LRRC4B: variants seen among roughly 807,000 people sequenced by gnomAD.
LRRC4B encodes leucine rich repeat containing 4B, also known as leucine-rich repeat-containing protein 4B.
In LRRC4B, 1 loss-of-function variant was observed where a neutral mutation model predicts 7.3. The observed-to-expected ratio is 0.14, with a 90% confidence interval of 0.05 to 0.65. The LOEUF (loss-of-function observed/expected upper bound fraction) is 0.65. LRRC4B is among the 30% of genes least tolerant of loss of function. The pLI, the probability that LRRC4B is intolerant of heterozygous loss-of-function variation, is 0.84. For synonymous variants in LRRC4B, 500 were observed against 499.2 expected (o/e 1.00, Z -0.02); for missense variants, 730 against 1,041.6 (o/e 0.70, Z 4.12).
chr19:50,520,946 T>G (rs1980552983), intron 2 of LRRC4B, among the ~76,000 whole-genome samples: 1 of 152,166 alleles, frequency 6.6e-6, no homozygotes, highest in Non-Finnish European at 1.5e-5. Flanking sequence ...ATGTGGGTGT[T>G]CACAGCATTT....
intron 2 of LRRC4B, among the ~76,000 whole-genome samples, chr19:50,547,461 G>A (rs1981863561): frequency 6.6e-6 from 1 of 151,888 alleles, no homozygotes; most frequent in Non-Finnish European, 1.5e-5. Flanking sequence ...GTTACATCTG[G>A]AAGATTAGAT....
rs1257112046 is a variant in LRRC4B, at chr19:50,517,088, A to G, written c.*483T>C. 6.6e-6 allele frequency: 1 copy of G among 151,682 alleles called. No homozygotes were observed. Among genetic ancestry groups the G allele is most frequent in the African/African-American group, 2.4e-5 (1 of 41,270 alleles). The allele number at this position is 151,682 out of a possible 1,614,324, so 9.4% of individuals were successfully genotyped here. A position where few individuals can be genotyped will look rare whatever the true frequency, so the allele number is the denominator to read the frequency against. On this transcript the variant is annotated 3_prime_UTR_variant, in exon 3 of 3. Coordinates refer to ENST00000652263, the MANE Select transcript of LRRC4B (RefSeq NM_001080457.2). The surrounding 1 kb of genome is among the most constrained non-coding windows in gnomAD (Gnocchi z 6.6). ...GCCGGGAGCAGAGCCGGGCGCTGGG[A>G]CGGGAGCTCTGGCGACGTGTCCATC...
chr19:50,538,556 CTTGT>C (rs1981394384), intron 2 of LRRC4B, among the ~76,000 whole-genome samples: 1 of 96,362 alleles, frequency 1.0e-5, no homozygotes, highest in Non-Finnish European at 2.2e-5. Context: ...TGGGTTTTGT[CTTGT>C]TTTTTTTTTT....
chr19:50,552,863 A>T (rs1982149140), intron 1 of LRRC4B, among the ~76,000 whole-genome samples: 1 of 152,158 alleles, frequency 6.6e-6, no homozygotes, highest in Non-Finnish European at 1.5e-5. Context: ...AGCCCAGGAC[A>T]CCCATGGGCC....
chr19:50,534,949 A>G (rs573113272), intron 2 of LRRC4B, among the ~76,000 whole-genome samples: 177 of 151,482 alleles, frequency 1.2e-3, no homozygotes, highest in Non-Finnish European at 1.9e-3. Flanking sequence ...GCTCACTGCA[A>G]CCTCTGCCTC....
At chr19:50,545,285 T>G (rs539531585) in intron 2 of LRRC4B, among the ~76,000 whole-genome samples, 1 of 148,536 alleles carries the variant, frequency 6.7e-6, no homozygotes, top group Non-Finnish European at 1.5e-5. Context: ...CACATGCCTG[T>G]AATCCCAGCT....
At chr19:50,524,233 G>A (rs1274618) in intron 2 of LRRC4B, among the ~76,000 whole-genome samples, 21,940 of 150,818 alleles carry the variant, frequency 0.15, 2,019 homozygotes, top group East Asian at 0.42. Context: ...ATGTGAACAC[G>A]TGTGTAATGT....
chr19:50,568,151 TG>T lies in LRRC4B; in HGVS notation c.-244del, dbSNP rs1223469243. On this transcript the variant is annotated 5_prime_UTR_variant, in exon 1 of 3. Coordinates refer to ENST00000652263, the MANE Select transcript of LRRC4B (RefSeq NM_001080457.2). Reference sequence around the variant, plus strand: ...GCTTCCGCAGCGGCGGCGGTGGGGCTGGGGGGGCCGCTCTGCCTCCTCGCCT... The same window carrying T: ...GCTTCCGCAGCGGCGGCGGTGGGGCTGGGGGGCCGCTCTGCCTCCTCGCCT... The T allele has an allele frequency of 2.6e-5, 4 of 151,524 alleles. No homozygotes were observed. Among genetic ancestry groups the T allele is most frequent in the South Asian group, 2.0e-4 (1 of 4,882 alleles). The allele number at this position is 151,524 out of a possible 1,614,324, so 9.4% of individuals were successfully genotyped here.
chr19:50,543,335 GGTGTGTGTGT>G (rs143123202), intron 2 of LRRC4B, among the ~76,000 whole-genome samples: 5 of 145,194 alleles, frequency 3.4e-5, no homozygotes, highest in African/African-American at 5.2e-5. Context: ...GCCAGGCCCT[GGTGTGTGTGT>G]GTGTGTGTGT....
At position 50,537,737 on chromosome 19, in the gene LRRC4B, A is replaced by G. The variant is rs1360553286; in HGVS notation, c.297+10805T>C. ...GAGAAAAAGTTAAGAAGAAACTGAC[A>G]AAGTATGGGAAATCCTATTTGAAAA... is the stretch of plus-strand genomic sequence containing the variant. On this transcript the variant is annotated intron_variant, in intron 2 of 2. Coordinates refer to ENST00000652263, the MANE Select transcript of LRRC4B (RefSeq NM_001080457.2). The surrounding 1 kb of genome is among the most constrained non-coding windows in gnomAD (Gnocchi z 5.5). 6.6e-6 allele frequency among the ~76,000 whole-genome samples: 1 copy of G among 152,200 alleles called. No homozygotes were observed. The highest frequency in any genetic ancestry group is 1.5e-5 in the Non-Finnish European group (1 of 68,026).
intron 2 of LRRC4B, among the ~76,000 whole-genome samples, chr19:50,530,254 C>T (rs1365521886): frequency 6.6e-6 from 1 of 152,212 alleles, no homozygotes; most frequent in Admixed American, 6.5e-5. Context: ...CTCTAGACGC[C>T]TCCGGGGCTC....
intron 1 of LRRC4B, among the ~76,000 whole-genome samples, chr19:50,552,216 A>AC (rs1213670495): frequency 1.1e-5 from 1 of 91,582 alleles, no homozygotes; most frequent in Admixed American, 1.4e-4. Context: ...CCAGCTTCAC[A>AC]CCCCCCACTG....
At chr19:50,545,018 G>A (rs1049429147) in intron 2 of LRRC4B, among the ~76,000 whole-genome samples, 2 of 151,356 alleles carry the variant, frequency 1.3e-5, no homozygotes, top group Non-Finnish European at 2.9e-5. Context: ...AGGCTGAGGC[G>A]GGAGAATGGT....
intron 2 of LRRC4B, among the ~76,000 whole-genome samples, chr19:50,539,844 G>C (rs1368144213): frequency 1.4e-5 from 2 of 147,940 alleles, no homozygotes; most frequent in African/African-American, 5.0e-5. Flanking sequence ...CCGAGATCGC[G>C]CCACTGCACT....
intron 2 of LRRC4B, among the ~76,000 whole-genome samples, chr19:50,535,225 T>C (rs1386651598): frequency 6.6e-6 from 1 of 152,006 alleles, no homozygotes; most frequent in Non-Finnish European, 1.5e-5. Flanking sequence ...CAGGCTGGAG[T>C]GCAGTGGCAT....
In LRRC4B at chr19:50,563,302, C is replaced by T. The variant is rs73932515; in HGVS notation, c.-36+4642G>A. On this transcript the variant is annotated intron_variant, in intron 1 of 2. Coordinates refer to ENST00000652263, the MANE Select transcript of LRRC4B (RefSeq NM_001080457.2). This position sits in a 1 kb window ranked among gnomAD's most constrained non-coding sequence, Gnocchi z 4.9. ...TACTCTCCTGCCACCCCCTGTCTGG[C>T]GGAGCCAGCCCAGCCTCAGGAACTG... Among the ~76,000 whole-genome samples the T allele has an allele frequency of 1.5e-3, 225 of 152,200 alleles. 1 individual carries two copies. The highest frequency in any genetic ancestry group is 5.1e-3 in the African/African-American group (211 of 41,538).
At position 50,565,708 on chromosome 19, in the gene LRRC4B, C is replaced by T. The variant is rs571718418; in HGVS notation, c.-36+2236G>A. 3.9e-5 allele frequency among the ~76,000 whole-genome samples: 6 copies of T among 151,998 alleles called. No homozygotes were observed. The South Asian group carries it at 8.3e-4, about 21-fold the overall frequency. ...CAGAACTCTGGTGGCCAGTGTCCCC[C>T]GGCTCCCTGCTGGCCCCAGCAGGCA... On this transcript the variant is annotated intron_variant, in intron 1 of 2. Transcript: ENST00000652263.
At chr19:50,520,737 G>A (rs576289621) in intron 2 of LRRC4B, among the ~76,000 whole-genome samples, 7 of 152,106 alleles carry the variant, frequency 4.6e-5, no homozygotes, top group Non-Finnish European at 1.0e-4. Context: ...AGAAGCTTGA[G>A]ACCAGTCTGG....
intron 2 of LRRC4B, among the ~76,000 whole-genome samples, chr19:50,527,540 C>T (rs1490968006): frequency 5.3e-5 from 8 of 151,768 alleles, no homozygotes; most frequent in Non-Finnish European, 1.2e-4. Context: ...TCCTGCATTT[C>T]CCCTTAATAA....
Sources: gnomAD v4.1 joint callset for allele counts (sites outside exome capture counted in the v4.1 genomes callset) on GRCh38, gnomAD v4.1.1 for gene constraint, Gnocchi (gnomAD v3.1) non-coding constraint, MANE v1.5 for transcripts, NCBI Gene and HGNC (gene_info 2026-07-23, HGNC 2026-07-21) for gene names.